Variants in RHBDD1 observed in about 807,000 individuals in gnomAD.
RHBDD1 encodes rhomboid domain containing 1, also known as rhomboid-related protein 4.
Under a neutral mutation model 36.3 loss-of-function variants are expected in RHBDD1, and 38 were observed. The observed-to-expected ratio is 1.05, with a 90% CI of 0.81 to 1.37. The LOEUF (loss-of-function observed/expected upper bound fraction) is 1.37, where lower values mean the gene tolerates loss of function less well. Ranked by LOEUF, RHBDD1 falls within the 40% of genes most tolerant of loss-of-function variation. RHBDD1 has a pLI of 0.00. For missense variants in RHBDD1, 393 were observed against 377.6 expected, an observed-to-expected ratio of 1.04 and a Z score of -0.34; for synonymous variants, 151 against 136.5, an observed-to-expected ratio of 1.11 and a Z score of -0.74.
At chr2:226,804,181 A>T in the RHBDD1 span, 1 of 152,194 alleles carries the variant, frequency 6.6e-6, no homozygotes, top group Non-Finnish European at 1.5e-5. Flanking sequence ...AAGCATGAAG[A>T]GTTATTATCA....
chr2:226,953,044 T>C (rs1389768252), intron 8 of RHBDD1, among the ~76,000 whole-genome samples: 2 of 152,224 alleles, frequency 1.3e-5, no homozygotes, highest in African/African-American at 4.8e-5. Context: ...TTCCAGTTCT[T>C]ATTGGAATTG....
At chr2:226,868,074 A>C (rs148069752) in intron 5 of RHBDD1, among the ~76,000 whole-genome samples, 92 of 152,324 alleles carry the variant, frequency 6.0e-4, no homozygotes, top group African/African-American at 2.1e-3. Flanking sequence ...GAACTTTTTA[A>C]ACAAAAGGCT....
the RHBDD1 span, among the ~76,000 whole-genome samples, chr2:226,810,265 C>G: frequency 6.6e-6 from 1 of 151,888 alleles, no homozygotes; most frequent in Non-Finnish European, 1.5e-5. Flanking sequence ...ATTGACGGGG[C>G]ATGGTGGCTC....
At chr2:226,936,777 T>G (rs952046335) in intron 8 of RHBDD1, among the ~76,000 whole-genome samples, 1 of 152,162 alleles carries the variant, frequency 6.6e-6, no homozygotes, top group Non-Finnish European at 1.5e-5. Flanking sequence ...TTTAGGCGGT[T>G]AAGTACTGTA....
At chr2:226,937,057 T>C (rs1481143729) in intron 8 of RHBDD1, among the ~76,000 whole-genome samples, 2 of 152,174 alleles carry the variant, frequency 1.3e-5, no homozygotes, top group Non-Finnish European at 2.9e-5. Flanking sequence ...ATTTAGATAC[T>C]CAAGTTATTC....
intron 8 of RHBDD1, among the ~76,000 whole-genome samples, chr2:226,973,741 C>CAGAT (rs1954022227): frequency 6.6e-6 from 1 of 152,132 alleles, no homozygotes; most frequent in Non-Finnish European, 1.5e-5. Context: ...AAGTGAAAAC[C>CAGAT]AGATGAGAAG....
chr2:226,895,109 T>C (rs1485766681), intron 5 of RHBDD1, among the ~76,000 whole-genome samples: 1 of 152,208 alleles, frequency 6.6e-6, no homozygotes, highest in Non-Finnish European at 1.5e-5. Context: ...TGCATTTTAT[T>C]GTAGAGACAC....
At chr2:226,946,891 T>A (rs1364937282) in intron 8 of RHBDD1, among the ~76,000 whole-genome samples, 1 of 152,178 alleles carries the variant, frequency 6.6e-6, no homozygotes, top group African/African-American at 2.4e-5. Flanking sequence ...GTTGGCTTCA[T>A]CCCTGGATGC....
chr2:226,994,667 A>G lies in RHBDD1; in HGVS notation c.857-764A>G, dbSNP rs13035253. On this transcript the variant is annotated intron_variant, in intron 8 of 8. Transcript: ENST00000392062. The stretch of plus-strand genomic sequence containing the variant: ...TCATGGGGAATATTGAAGCTCTTTC[A>G]TTACCTTTAGGTTGCTGGTTCCTTG... 2.0e-5 allele frequency among the ~76,000 whole-genome samples: 3 copies of G among 152,156 alleles called. 1 individual carries two copies. Among genetic ancestry groups the G allele is most frequent in the Middle Eastern group, 6.3e-3 (2 of 316 alleles).
At chr2:226,832,367 T>C (rs1485562811), upstream of RHBDD1, among the ~76,000 whole-genome samples, 1 of 152,250 alleles carries the variant, frequency 6.6e-6, no homozygotes, top group East Asian at 1.9e-4. Flanking sequence ...CCAATTCTTT[T>C]AAATTTACTG....
intron 8 of RHBDD1, among the ~76,000 whole-genome samples, chr2:226,945,689 A>G (rs1050653536): frequency 6.6e-6 from 1 of 152,122 alleles, no homozygotes; most frequent in African/African-American, 2.4e-5. Context: ...GGGATTGCTG[A>G]GTCCAATGGT....
intron 8 of RHBDD1, among the ~76,000 whole-genome samples, chr2:226,955,286 C>G (rs895339012): frequency 6.6e-6 from 1 of 152,168 alleles, no homozygotes; most frequent in Non-Finnish European, 1.5e-5. Flanking sequence ...TTTGCAAGAT[C>G]CTGGAACCAC....
intron 5 of RHBDD1, among the ~76,000 whole-genome samples, chr2:226,881,169 A>C (rs1158014428): frequency 2.6e-5 from 4 of 152,112 alleles, no homozygotes; most frequent in Non-Finnish European, 5.9e-5. Flanking sequence ...CTCACTCACT[A>C]ACAGGAGAAC....
At chr2:226,913,627 T>C (rs1948679691) in intron 7 of RHBDD1, among the ~76,000 whole-genome samples, 1 of 152,190 alleles carries the variant, frequency 6.6e-6, no homozygotes, top group Non-Finnish European at 1.5e-5. Flanking sequence ...ACCATTTTTT[T>C]TTGAAGTCGT....
rs192783346 is a variant in RHBDD1, at chr2:226,966,431, G to A, written c.857-29000G>A. 9.2e-5 allele frequency among the ~76,000 whole-genome samples: 14 copies of A among 152,322 alleles called. No homozygotes were observed. In the East Asian group the frequency reaches 2.1e-3, roughly 23 times the overall value. ...GTATCTGCAGTAACGGACATGCTTC[G>A]TGTTTTCATTGTCCAACATGGGAGC... On this transcript the variant is annotated intron_variant, in intron 8 of 8. Coordinates refer to ENST00000392062, the MANE Select transcript of RHBDD1 (RefSeq NM_001167608.3).
intron 8 of RHBDD1, among the ~76,000 whole-genome samples, chr2:226,937,449 A>G (rs1024928227): frequency 6.6e-6 from 1 of 151,974 alleles, no homozygotes; most frequent in African/African-American, 2.4e-5. Context: ...CTTTTATTTT[A>G]AGTTCAGGGG....
At chr2:226,988,664 A>G in intron 8 of RHBDD1, 1 of 984,932 alleles carries the variant, frequency 1.0e-6, no homozygotes, top group Non-Finnish European at 1.2e-6. Context: ...TAGGATTTTA[A>G]TATTCCGAAG....
At chr2:226,908,714 C>A in intron 6 of RHBDD1, 108 bp from the exon 7 acceptor site, 2 of 773,332 alleles carry the variant, frequency 2.6e-6, no homozygotes, top group Non-Finnish European at 4.5e-6. Flanking sequence ...GTTTAGAAAT[C>A]ATTTGAAATG....
At chr2:226,870,517 A>T (rs921133545) in intron 5 of RHBDD1, among the ~76,000 whole-genome samples, 1 of 152,170 alleles carries the variant, frequency 6.6e-6, no homozygotes, top group Non-Finnish European at 1.5e-5. Flanking sequence ...ACACTAAATA[A>T]GCAAGCCTTG....
Sources: gnomAD v4.1 joint callset for allele counts (sites outside exome capture counted in the v4.1 genomes callset) on GRCh38, gnomAD v4.1.1 for gene constraint, MANE v1.5 for transcripts, NCBI Gene and HGNC (gene_info 2026-07-23, HGNC 2026-07-21) for gene names.